Variants in NRG1 observed in about 807,000 individuals in gnomAD.
NRG1 encodes the protein pro-neuregulin-1, membrane-bound isoform.
In NRG1, 18 loss-of-function variants were observed where a neutral mutation model predicts 63.8. That is an observed-to-expected ratio of 0.28 (90% confidence interval 0.19 to 0.42). The LOEUF (loss-of-function observed/expected upper bound fraction) is 0.42. Among genes scored for constraint, NRG1 ranks in the 10% least tolerant of loss-of-function variants. The probability of loss-of-function intolerance (pLI) is 1.00; values close to 1 mark genes in which losing one functional copy is unlikely to be tolerated. For synonymous variants in NRG1, 302 were observed against 301.3 expected, an observed-to-expected ratio of 1.00 and a Z score of -0.02; for missense variants, 762 against 814.7, an observed-to-expected ratio of 0.94 and a Z score of 0.79.
At chr8:32,619,040 C>G (rs1847871198) in intron 5 of NRG1, among the ~76,000 whole-genome samples, 3 of 152,000 alleles carry the variant, frequency 2.0e-5, no homozygotes, top group Admixed American at 2.0e-4. Context: ...TTAGTCAGAC[C>G]TCAGCTCTAC....
At chr8:31,935,309 A>G (rs561120783) in intron 1 of NRG1, among the ~76,000 whole-genome samples, 1 of 151,734 alleles carries the variant, frequency 6.6e-6, no homozygotes, top group Non-Finnish European at 1.5e-5. Context: ...TTTTAGTAGA[A>G]ATGAGGTCTC....
chr8:32,198,686 C>A (rs1843202344), intron 1 of NRG1, among the ~76,000 whole-genome samples: 1 of 152,132 alleles, frequency 6.6e-6, no homozygotes, highest in African/African-American at 2.4e-5. Context: ...ATGTTTACAC[C>A]AAGTTTTTGA....
At chr8:32,677,149 T>G (rs1360157578) in intron 5 of NRG1, among the ~76,000 whole-genome samples, 2 of 152,152 alleles carry the variant, frequency 1.3e-5, no homozygotes, top group African/African-American at 4.8e-5. Context: ...AGTTTAAGGT[T>G]CATGAATCAA....
At chr8:31,830,337 C>A (rs1278171722) in intron 1 of NRG1, among the ~76,000 whole-genome samples, 1 of 115,884 alleles carries the variant, frequency 8.6e-6, no homozygotes, top group African/African-American at 3.2e-5. Flanking sequence ...TTCCTTCCTT[C>A]CTTCCTTCCT....
chr8:31,856,834 C>G (rs1339015676), intron 1 of NRG1, among the ~76,000 whole-genome samples: 1 of 140,784 alleles, frequency 7.1e-6, no homozygotes, highest in South Asian at 2.3e-4. Context: ...TTCTAACAGA[C>G]AGGACCCTCA....
At chr8:32,582,734 C>T (rs1840885321) in intron 1 of NRG1, among the ~76,000 whole-genome samples, 1 of 152,192 alleles carries the variant, frequency 6.6e-6, no homozygotes, top group South Asian at 2.1e-4. Context: ...TCTCCTGAGT[C>T]ATTTTCCTGT....
At chr8:32,109,455 C>T (rs1831712785) in intron 1 of NRG1, among the ~76,000 whole-genome samples, 1 of 152,196 alleles carries the variant, frequency 6.6e-6, no homozygotes, top group African/African-American at 2.4e-5. Flanking sequence ...TCAGACCCAG[C>T]ATCACTCAGC....
intron 2 of NRG1, among the ~76,000 whole-genome samples, chr8:32,603,754 C>T (rs1158856073): frequency 3.3e-5 from 5 of 152,128 alleles, no homozygotes; most frequent in African/African-American, 1.2e-4. Context: ...GGATTACAGG[C>T]GTGAGCCACT....
intron 1 of NRG1, among the ~76,000 whole-genome samples, chr8:32,531,302 T>G (rs1831430934): frequency 6.6e-6 from 1 of 152,182 alleles, no homozygotes; most frequent in South Asian, 2.1e-4. Flanking sequence ...TCTGTTGAAA[T>G]GCTGAGTTTT....
At chr8:32,534,883 G>T (rs1422664601) in intron 1 of NRG1, among the ~76,000 whole-genome samples, 1 of 152,030 alleles carries the variant, frequency 6.6e-6, no homozygotes, top group Non-Finnish European at 1.5e-5. Flanking sequence ...TTCTAAGATT[G>T]TTCCAGGATT....
chr8:32,356,489 G>T (rs895052661), intron 1 of NRG1, among the ~76,000 whole-genome samples: 1 of 78,704 alleles, frequency 1.3e-5, no homozygotes. Flanking sequence ...CCCCCCACCC[G>T]CCGGGCCCCA....
At chr8:31,829,103 C>T (rs768492344) in intron 1 of NRG1, among the ~76,000 whole-genome samples, 10 of 152,174 alleles carry the variant, frequency 6.6e-5, no homozygotes, top group Non-Finnish European at 1.0e-4. Context: ...AGTTCACCTC[C>T]TTCATGAGAC....
intron 1 of NRG1, among the ~76,000 whole-genome samples, chr8:32,266,693 C>G (rs1850974059): frequency 6.6e-6 from 1 of 151,986 alleles, no homozygotes; most frequent in Non-Finnish European, 1.5e-5. Flanking sequence ...ATTATCAAAA[C>G]ACAATATTCT....
intron 6 of NRG1, among the ~76,000 whole-genome samples, chr8:32,733,254 A>C (rs542945309): frequency 6.6e-6 from 1 of 152,332 alleles, no homozygotes; most frequent in East Asian, 1.9e-4. Context: ...AACAACAAAA[A>C]ACAAACTAAA....
chr8:31,747,762 G>T (rs1037190658), intron 1 of NRG1, among the ~76,000 whole-genome samples: 1 of 151,892 alleles, frequency 6.6e-6, no homozygotes, highest in Non-Finnish European at 1.5e-5. Context: ...TGGCTGTTTT[G>T]TTTAAGATGA....
At chr8:32,569,099 G>T (rs957113677) in intron 1 of NRG1, among the ~76,000 whole-genome samples, 1 of 152,086 alleles carries the variant, frequency 6.6e-6, no homozygotes, top group Admixed American at 6.5e-5. Context: ...ACTCAGGCTG[G>T]AGTGCAGTGG....
chr8:31,866,574 G>T (rs1023817422), intron 1 of NRG1, among the ~76,000 whole-genome samples: 32 of 152,086 alleles, frequency 2.1e-4, no homozygotes, highest in Admixed American at 1.9e-3. Flanking sequence ...ATACTACAAT[G>T]GCTGTTGAAA....
chr8:31,955,988 C>T (rs1804298917), intron 1 of NRG1, among the ~76,000 whole-genome samples: 2 of 147,650 alleles, frequency 1.4e-5, no homozygotes, highest in Non-Finnish European at 3.0e-5. Flanking sequence ...CTGCAGTGAG[C>T]CATGATCATA....
chr8:32,062,035 T>C (rs1823960382), intron 1 of NRG1, among the ~76,000 whole-genome samples: 1 of 152,070 alleles, frequency 6.6e-6, no homozygotes, highest in Admixed American at 6.6e-5. Context: ...TAGCCAAGTG[T>C]AGAGCACAAA....
Sources: allele counts gnomAD v4.1 joint callset (sites outside exome capture counted in the v4.1 genomes callset), GRCh38; gene constraint gnomAD v4.1.1; transcripts MANE v1.5; gene names NCBI Gene and HGNC (gene_info 2026-07-23, HGNC 2026-07-21).